Variants in CHD2 observed in about 807,000 individuals in gnomAD.
The protein encoded by CHD2 is chromodomain helicase DNA binding protein 2.
A neutral mutation model predicts 243.9 loss-of-function variants in CHD2; 28 were observed. The ratio of observed to expected loss-of-function variants is 0.11; its 90% CI spans 0.09 to 0.16. CHD2 has a LOEUF of 0.16. Ranked by LOEUF, CHD2 falls within the 10% of genes least tolerant of loss-of-function variation. CHD2 has a pLI of 1.00. For synonymous variants in CHD2, 775 were observed against 779.0 expected (o/e 0.99, Z 0.09); for missense variants, 1,386 against 2,209.8 (o/e 0.63, Z 7.47).
intron 2 of CHD2, chr15:92,904,891 TAACAGC>T: frequency 1.3e-6 from 2 of 1,534,976 alleles, no homozygotes. Context: ...TGACGGGTGT[TAACAGC>T]TGTTTAATAC....
At position 92,979,084 on chromosome 15, in the gene CHD2, G is replaced by C. The variant is rs748571813; in HGVS notation, c.2728-51G>C. The stretch of plus-strand genomic sequence containing the variant: ...AGCTAATCCTTCTCTCTTTTTTTGG[G>C]GGGGTTGGGGGGTGGTTCAGGCATA... On this transcript the variant is annotated intron_variant, in intron 21 of 38. Coordinates refer to ENST00000394196, the MANE Select transcript of CHD2 (RefSeq NM_001271.4). 5 of 1,578,876 alleles carry C rather than the reference G, an allele frequency of 3.2e-6. No homozygotes were observed. In the East Asian group the frequency reaches 1.1e-4, roughly 35 times the overall value.
intron 27 of CHD2, chr15:92,991,732 A>C (rs2054122807): frequency 2.4e-6 from 1 of 424,054 alleles, no homozygotes; most frequent in East Asian, 3.7e-5. Flanking sequence ...ATCCATAAAA[A>C]GACTTTCACC....
chr15:92,939,843 G>A, intron 7 of CHD2, 125 bp downstream of exon 7: 1 of 1,056,772 alleles, frequency 9.5e-7, no homozygotes, highest in Non-Finnish European at 1.3e-6. Context: ...TCCTGAAGTT[G>A]TTTTCAGAAA....
At chr15:92,903,173 C>G (rs183528503) in intron 2 of CHD2, among the ~76,000 whole-genome samples, 1 of 152,320 alleles carries the variant, frequency 6.6e-6, no homozygotes, top group East Asian at 1.9e-4. Flanking sequence ...TATGACATCA[C>G]TTCCTTTTAA....
intron 2 of CHD2, among the ~76,000 whole-genome samples, chr15:92,907,305 T>C (rs940466341): frequency 6.6e-6 from 1 of 152,242 alleles, no homozygotes; most frequent in African/African-American, 2.4e-5. Flanking sequence ...TGGTTATGGG[T>C]CTTCTTGTTT....
chr15:92,930,142 T>G (rs2053138998), intron 5 of CHD2, among the ~76,000 whole-genome samples: 2 of 152,216 alleles, frequency 1.3e-5, no homozygotes, highest in Non-Finnish European at 2.9e-5. Flanking sequence ...CCCAGTCTCC[T>G]GGTCTGCTTG....
At chr15:92,941,585 A>G (rs1257760073) in intron 7 of CHD2, among the ~76,000 whole-genome samples, 2 of 152,168 alleles carry the variant, frequency 1.3e-5, no homozygotes, top group Admixed American at 6.5e-5. Flanking sequence ...ACAAATCAGT[A>G]TAAATATAGA....
chr15:92,912,763 T>C (rs1156529605), intron 2 of CHD2, among the ~76,000 whole-genome samples: 4 of 152,150 alleles, frequency 2.6e-5, no homozygotes, highest in Non-Finnish European at 5.9e-5. Flanking sequence ...CTCAAACTCC[T>C]GACCTCGTGA....
intron 13 of CHD2, 127 bp downstream of exon 13, chr15:92,949,203 A>T (rs1424259791): frequency 6.6e-7 from 1 of 1,507,460 alleles, no homozygotes; most frequent in East Asian, 2.3e-5. Context: ...TTTATGCTGC[A>T]TATTACAGAA....
At chr15:93,006,735 C>T (rs1253566110) in intron 34 of CHD2, among the ~76,000 whole-genome samples, 1 of 152,126 alleles carries the variant, frequency 6.6e-6, no homozygotes, top group Non-Finnish European at 1.5e-5. Flanking sequence ...GGTCCATAAC[C>T]ATTGTCCTAC....
rs2053935516 is a variant in CHD2 at position 92,978,350 on chromosome 15, A to G, written c.2694A>G (p.Gln898=). The change falls in exon 21 of 39, where the codon CAA becomes CAG. Residue 898 remains glutamine, a synonymous_variant. Coordinates refer to ENST00000394196, the MANE Select transcript of CHD2 (RefSeq NM_001271.4). ...DWNPQNDLQA[Q]ARAHRIGQKK... is the part of the protein sequence containing the mutation. ...ACCCCCAGAATGACTTGCAGGCACAAGCCCGAGCGCATAGAATTGGTCAAA... is the reference window on the plus strand; with the variant it reads ...ACCCCCAGAATGACTTGCAGGCACAGGCCCGAGCGCATAGAATTGGTCAAA... The G allele has an allele frequency of 1.2e-6, 2 of 1,614,152 alleles. No individual in the cohort carries two copies. The highest frequency in any genetic ancestry group is 1.3e-5 in the African/African-American group (1 of 75,044).
chr15:93,015,004 G>A, intron 37 of CHD2, 95 bp downstream of exon 37: 1 of 948,326 alleles, frequency 1.1e-6, no homozygotes, highest in South Asian at 1.4e-5. Flanking sequence ...AGACTTCTGT[G>A]CTTTATTATC....
rs1278346995 is a variant in CHD2 at position 92,945,810 on chromosome 15, T to A, written c.1154-11T>A. On this transcript the variant is annotated splice_polypyrimidine_tract_variant and intron_variant, in intron 10 of 38. Transcript: ENST00000394196. The stretch of plus-strand genomic sequence containing the variant: ...TTTATAACTTTTCTGTCTTATTTTT[T>A]ATTTGTTTAGCTGTGAAGACAAGTA... 1 of 1,538,192 alleles carries A rather than the reference T, an allele frequency of 6.5e-7. No individual in the cohort carries two copies. Among genetic ancestry groups the A allele is most frequent in the Non-Finnish European group, 8.8e-7 (1 of 1,136,064 alleles).
At chr15:92,943,910 G>A (rs1010139569) in intron 9 of CHD2, 4 of 152,196 alleles carry the variant, frequency 2.6e-5, no homozygotes, top group African/African-American at 7.2e-5. Flanking sequence ...AGATGGTGAG[G>A]TAGGCTTGTA....
chr15:92,968,040 A>G (rs780861158), intron 17 of CHD2, among the ~76,000 whole-genome samples: 21 of 151,866 alleles, frequency 1.4e-4, no homozygotes, highest in Non-Finnish European at 2.4e-4. Context: ...CGTAAGCTCC[A>G]TGCATTTTGC....
At chr15:92,984,930 C>G (rs569413933) in intron 25 of CHD2, among the ~76,000 whole-genome samples, 2 of 152,316 alleles carry the variant, frequency 1.3e-5, no homozygotes, top group East Asian at 3.9e-4. Context: ...CTTGACAGTT[C>G]ACAAAGCTCC....
intron 20 of CHD2, 30 bp downstream of exon 20, chr15:92,974,980 CA>C: frequency 6.3e-7 from 1 of 1,578,834 alleles, no homozygotes; most frequent in Non-Finnish European, 8.7e-7. Context: ...GTTATTTGAG[CA>C]ACTTGGGCTC....
intron 7 of CHD2, among the ~76,000 whole-genome samples, chr15:92,941,512 T>C (rs1410322496): frequency 6.6e-6 from 1 of 152,140 alleles, no homozygotes; most frequent in Non-Finnish European, 1.5e-5. Context: ...GTTTACATAA[T>C]AATCTGATAC....
At chr15:92,928,732 A>G (rs573190109) in intron 4 of CHD2, among the ~76,000 whole-genome samples, 1 of 152,342 alleles carries the variant, frequency 6.6e-6, no homozygotes, top group South Asian at 2.1e-4. Flanking sequence ...TGTATTGGAC[A>G]TTGTAGATAC....
Sources: allele counts gnomAD v4.1 joint callset (sites outside exome capture counted in the v4.1 genomes callset), GRCh38; gene constraint gnomAD v4.1.1; transcripts MANE v1.5; gene names NCBI Gene and HGNC (gene_info 2026-07-23, HGNC 2026-07-21).